The following SNTG1 variants were observed in gnomAD, a reference collection of about 807,000 sequenced individuals.
The protein encoded by SNTG1 is syntrophin gamma 1.
In SNTG1, 39 loss-of-function variants were observed where a neutral mutation model predicts 74.7. The observed-to-expected ratio is 0.52, with a 90% CI of 0.40 to 0.68. The LOEUF is 0.68. SNTG1 is among the 30% of genes least tolerant of loss of function. The pLI is 0.00. For missense variants in SNTG1, 685 were observed against 609.5 expected (o/e 1.12, Z -1.30); for synonymous variants, 254 against 217.1 (o/e 1.17, Z -1.49).
At chr8:49,978,732 A>C (rs1812409167) in intron 1 of SNTG1, among the ~76,000 whole-genome samples, 2 of 152,330 alleles carry the variant, frequency 1.3e-5, no homozygotes, top group Admixed American at 6.5e-5. Context: ...AGTTTAGCTG[A>C]GTTGGGCAGT....
At chr8:50,115,587 A>AAAAAAAAAACAAAAAAAAAAC (rs397747843) in intron 1 of SNTG1, among the ~76,000 whole-genome samples, 64 of 148,044 alleles carry the variant, frequency 4.3e-4, no homozygotes, top group Non-Finnish European at 8.1e-4. Flanking sequence ...AAAAAAAAAA[A>AAAAAAAAAACAAAAAAAAAAC]CGAGATGGTT....
chr8:50,091,251 C>T (rs2079725179), intron 1 of SNTG1, among the ~76,000 whole-genome samples: 1 of 151,972 alleles, frequency 6.6e-6, no homozygotes, highest in Non-Finnish European at 1.5e-5. Flanking sequence ...AGGAAATTTA[C>T]ATAACGGTCT....
chr8:50,763,434 T>A (rs1030141169), intron 18 of SNTG1, among the ~76,000 whole-genome samples: 1 of 151,908 alleles, frequency 6.6e-6, no homozygotes, highest in African/African-American at 2.4e-5. Context: ...ATCCTCTGCA[T>A]CATATATCAT....
intron 2 of SNTG1, among the ~76,000 whole-genome samples, chr8:50,283,614 C>T (rs1474421305): frequency 6.6e-6 from 1 of 152,108 alleles, no homozygotes; most frequent in Non-Finnish European, 1.5e-5. Flanking sequence ...ATTTTCAGTG[C>T]TCACCCTATT....
At chr8:50,446,391 A>AAC in intron 5 of SNTG1, among the ~76,000 whole-genome samples, 1 of 151,018 alleles carries the variant, frequency 6.6e-6, no homozygotes, top group South Asian at 2.1e-4. Context: ...AAAAAAAAAA[A>AAC]CAGGCCAGGT....
intron 12 of SNTG1, among the ~76,000 whole-genome samples, chr8:50,553,659 G>A (rs1374167914): frequency 6.6e-6 from 1 of 152,074 alleles, no homozygotes; most frequent in Non-Finnish European, 1.5e-5. Flanking sequence ...TATTAGAAAT[G>A]GCTTCTCTGC....
chr8:50,290,985 T>C (rs1200421045), intron 2 of SNTG1, among the ~76,000 whole-genome samples: 1 of 152,170 alleles, frequency 6.6e-6, no homozygotes, highest in Non-Finnish European at 1.5e-5. Flanking sequence ...CTCGATCTCC[T>C]GAACTCAAGC....
At chr8:49,955,356 C>T (rs1381170969) in intron 1 of SNTG1, among the ~76,000 whole-genome samples, 1 of 152,178 alleles carries the variant, frequency 6.6e-6, no homozygotes, top group East Asian at 1.9e-4. Flanking sequence ...CCTGCTGGCT[C>T]GATGGCAGGC....
At chr8:49,963,684 A>C (rs1486636695) in intron 1 of SNTG1, among the ~76,000 whole-genome samples, 1 of 152,150 alleles carries the variant, frequency 6.6e-6, no homozygotes, top group Non-Finnish European at 1.5e-5. Context: ...ACTACAAGCT[A>C]CTGGTCTTTG....
intron 2 of SNTG1, among the ~76,000 whole-genome samples, chr8:50,392,181 A>G (rs913436134): frequency 6.6e-6 from 1 of 152,218 alleles, no homozygotes; most frequent in Non-Finnish European, 1.5e-5. Flanking sequence ...TAAGATGCTA[A>G]CAGTAGAGAA....
chr8:49,954,708 T>C (rs1810006281), intron 1 of SNTG1, among the ~76,000 whole-genome samples: 1 of 152,164 alleles, frequency 6.6e-6, no homozygotes, highest in South Asian at 2.1e-4. Context: ...TTTTCATTAT[T>C]ATAAGTCCAG....
chr8:50,293,403 C>CTTTTTTTTTT (rs11349774), intron 2 of SNTG1, among the ~76,000 whole-genome samples: 1 of 135,648 alleles, frequency 7.4e-6, no homozygotes, highest in Non-Finnish European at 1.6e-5. Flanking sequence ...TAGTAGGCTT[C>CTTTTTTTTTT]TTTTTTTTTT....
chr8:50,709,867 A>G (rs1277923554), intron 17 of SNTG1, among the ~76,000 whole-genome samples: 1 of 152,190 alleles, frequency 6.6e-6, no homozygotes, highest in Non-Finnish European at 1.5e-5. Flanking sequence ...CCTTCTCACT[A>G]ATTTTAAGGA....
chr8:49,939,300 T>A (rs1003518652), intron 1 of SNTG1, among the ~76,000 whole-genome samples: 2 of 152,198 alleles, frequency 1.3e-5, no homozygotes, highest in African/African-American at 4.8e-5. Flanking sequence ...AATGTGAGAA[T>A]CTCTTTAATT....
intron 1 of SNTG1, among the ~76,000 whole-genome samples, chr8:49,976,260 T>A (rs1812181507): frequency 6.6e-6 from 1 of 152,204 alleles, no homozygotes; most frequent in African/African-American, 2.4e-5. Context: ...AAAATAAGTT[T>A]TTTTTGTTTC....
intron 2 of SNTG1, among the ~76,000 whole-genome samples, chr8:50,290,916 C>A (rs1312538497): frequency 6.6e-6 from 1 of 151,948 alleles, no homozygotes; most frequent in African/African-American, 2.4e-5. Context: ...CACTAACACA[C>A]CTGGCTAATT....
chr8:50,267,499 T>C (rs1272327984), intron 2 of SNTG1, among the ~76,000 whole-genome samples: 5 of 152,154 alleles, frequency 3.3e-5, no homozygotes, highest in Admixed American at 6.5e-5. Context: ...AATAAAGTGA[T>C]AGGCAATACC....
chr8:50,739,575 G>T (rs912691611), intron 17 of SNTG1, among the ~76,000 whole-genome samples: 6 of 151,994 alleles, frequency 3.9e-5, no homozygotes, highest in African/African-American at 1.4e-4. Context: ...TATACTGGAT[G>T]TGGGGCTGGG....
intron 1 of SNTG1, among the ~76,000 whole-genome samples, chr8:50,091,447 T>C (rs920114404): frequency 7.9e-5 from 12 of 152,114 alleles, no homozygotes; most frequent in Non-Finnish European, 1.8e-4. Context: ...TCTCATGATC[T>C]GCAACTCCCA....
Sources: allele counts gnomAD v4.1 joint callset (sites outside exome capture counted in the v4.1 genomes callset), GRCh38; gene constraint gnomAD v4.1.1; transcripts MANE v1.5; gene names NCBI Gene and HGNC (gene_info 2026-07-23, HGNC 2026-07-21).